The following PARP9 variants were observed in gnomAD, a reference collection of about 807,000 sequenced individuals.
PARP9 encodes the protein poly(ADP-ribose) polymerase family member 9.
In PARP9, 48 loss-of-function variants were observed where a neutral mutation model predicts 68.8. That is an observed-to-expected ratio of 0.70 (90% confidence interval 0.55 to 0.89). The LOEUF is 0.89. Ranked by LOEUF, PARP9 falls within the 40% of genes least tolerant of loss-of-function variation. PARP9 has a pLI of 0.00. For missense variants in PARP9, 806 were observed against 969.3 expected (o/e 0.83, Z 2.24); for synonymous variants, 309 against 333.8 (o/e 0.93, Z 0.81).
intron 4 of PARP9, 111 bp downstream of exon 4, chr3:122,555,175 T>C (rs2079538723): frequency 1.8e-6 from 2 of 1,129,896 alleles, no homozygotes; most frequent in Non-Finnish European, 2.5e-6. Context: ...GCTCATATTC[T>C]TAATCCAAAC....
intron 10 of PARP9, chr3:122,532,069 C>T (rs984132225): frequency 4.1e-5 from 35 of 855,114 alleles, no homozygotes; most frequent in Non-Finnish European, 4.6e-5. Flanking sequence ...GGACCCTGGC[C>T]TGACTCTGGT....
intron 10 of PARP9, chr3:122,533,640 C>A (rs2077452358): frequency 1.0e-6 from 1 of 956,572 alleles, no homozygotes; most frequent in Non-Finnish European, 1.2e-6. Context: ...ACCCCTAGCA[C>A]AGGGCCTGAT....
intron 2 of PARP9, 33 bp downstream of exon 2, chr3:122,559,573 G>A: frequency 1.9e-6 from 3 of 1,566,602 alleles, no homozygotes; most frequent in Non-Finnish European, 2.6e-6. Flanking sequence ...TGCTGATCAA[G>A]GTTCATGACG....
chr3:122,553,476 C>T (rs763308388), intron 4 of PARP9, among the ~76,000 whole-genome samples: 10 of 152,048 alleles, frequency 6.6e-5, no homozygotes, highest in African/African-American at 1.2e-4. Context: ...TTGGGGGCAC[C>T]GACACCCTTT....
At chr3:122,534,188 TA>T in intron 10 of PARP9, 1 of 810,684 alleles carries the variant, frequency 1.2e-6, no homozygotes, top group Non-Finnish European at 1.5e-6. Flanking sequence ...TATAAAGACA[TA>T]AACTTAACCA....
At chr3:122,534,611 G>A in intron 10 of PARP9, 1 of 290,790 alleles carries the variant, frequency 3.4e-6, no homozygotes, top group Non-Finnish European at 5.1e-6. Flanking sequence ...TGGGCATGGT[G>A]GCTCATACCT....
chr3:122,540,687 A>G lies in PARP9; in HGVS notation c.1550T>C (p.Leu517Pro), dbSNP rs1374810831. ...GTCATGTTCCTTTCTCCCAAGGTAC[A>G]GAATATGATTATTCTCAATGATGTG... ...NHHIIENNHILYLGRKEHDIL... is the reference protein window; with the variant it reads ...NHHIIENNHIPYLGRKEHDIL... The change falls in exon 8 of 11, where the codon CTG (leucine) becomes CCG (proline). Residue 517 changes from leucine to proline, a missense_variant. By Grantham distance (98) the Leu-to-Pro change is moderately conservative. Transcript: ENST00000682323. The G allele has an allele frequency of 2.5e-6, 4 of 1,614,200 alleles. No individual in the cohort carries two copies. Among genetic ancestry groups the G allele is most frequent in the Non-Finnish European group, 3.4e-6 (4 of 1,180,024 alleles).
At chr3:122,542,532 T>G (rs9861517) in intron 7 of PARP9, among the ~76,000 whole-genome samples, 2 of 150,880 alleles carry the variant, frequency 1.3e-5, no homozygotes, top group Non-Finnish European at 2.9e-5. Context: ...CAGGCTGGAG[T>G]GTAGTGGCGC....
At chr3:122,548,046 G>A (rs2078904368) in intron 6 of PARP9, among the ~76,000 whole-genome samples, 1 of 152,170 alleles carries the variant, frequency 6.6e-6, no homozygotes, top group Non-Finnish European at 1.5e-5. Flanking sequence ...GTGAGGCGCA[G>A]TGGGATACTG....
chr3:122,564,081 C>T (rs1009153495), intron 1 of PARP9, 164 bp downstream of exon 1: 1 of 274,826 alleles, frequency 3.6e-6, no homozygotes, highest in Non-Finnish European at 6.9e-6. Context: ...GTAAGAGTTA[C>T]AAAGAATAAG....
In PARP9 at chr3:122,562,843, T is replaced by C. The variant is rs368840532; in HGVS notation, c.-90+1402A>G. Reference sequence around the variant, plus strand: ...TATTATTAAACTGCTAGTCCCCCTATTTATGGGCATTAAAGAGTTCCCTAT... The same window carrying C: ...TATTATTAAACTGCTAGTCCCCCTACTTATGGGCATTAAAGAGTTCCCTAT... On this transcript the variant is annotated intron_variant, in intron 1 of 10. Coordinates refer to ENST00000682323, the MANE Select transcript of PARP9 (RefSeq NM_001146105.2). Among the ~76,000 whole-genome samples the C allele has an allele frequency of 3.9e-5, 6 of 152,336 alleles. No homozygotes were observed. The South Asian group carries it at 1.2e-3, about 32-fold the overall frequency.
chr3:122,552,696 A>C, intron 4 of PARP9, 57 bp from the exon 5 acceptor site: 4 of 1,302,642 alleles, frequency 3.1e-6, no homozygotes, highest in Non-Finnish European at 4.4e-6. Flanking sequence ...TTAAATGACT[A>C]ATTTAAATCT....
At chr3:122,542,578 C>T (rs2078330030) in intron 7 of PARP9, among the ~76,000 whole-genome samples, 1 of 151,932 alleles carries the variant, frequency 6.6e-6, no homozygotes, top group Non-Finnish European at 1.5e-5. Flanking sequence ...CTCCTGGGTT[C>T]AGACGATTCT....
At chr3:122,554,579 C>T (rs771303139) in intron 4 of PARP9, among the ~76,000 whole-genome samples, 8 of 151,990 alleles carry the variant, frequency 5.3e-5, no homozygotes, top group South Asian at 2.1e-4. Flanking sequence ...TATATTGATC[C>T]CAGCTCTAAG....
intron 10 of PARP9, chr3:122,534,709 C>A (rs917713367): frequency 5.0e-6 from 1 of 201,058 alleles, no homozygotes; most frequent in Non-Finnish European, 8.9e-6. Context: ...CTCGTCTCTA[C>A]TAAAAAAAAT....
At position 122,528,184 on chromosome 3, in the gene PARP9, G is replaced by T; in HGVS notation, c.*180C>A. ...TGGTATCTACCTACCCCAACCCCAA[G>T]ACATAAAGACAGATAAAGGCACTAA... On this transcript the variant is annotated 3_prime_UTR_variant, in exon 11 of 11. Coordinates refer to ENST00000682323, the MANE Select transcript of PARP9 (RefSeq NM_001146105.2). 1 of 698,896 alleles carries T rather than the reference G, an allele frequency of 1.4e-6. No homozygotes were observed. Among genetic ancestry groups the T allele is most frequent in the Non-Finnish European group, 2.2e-6 (1 of 447,872 alleles). The allele number at this position is 698,896 out of a possible 1,614,324, so 43.3% of individuals were successfully genotyped here.
chr3:122,536,248 C>T lies in PARP9; in HGVS notation c.2000G>A (p.Arg667Lys). The change falls in exon 10 of 11, where the codon AGG becomes AAG. Residue 667 changes from arginine to lysine, a missense_variant. Arg to Lys is a conservative substitution (Grantham distance 26, BLOSUM62 2). Coordinates refer to ENST00000682323, the MANE Select transcript of PARP9 (RefSeq NM_001146105.2). ...EKLHRQPVSHRLFQQVPYQFC... is the reference protein window; with the variant it reads ...EKLHRQPVSHKLFQQVPYQFC... ...CTGGTATGGGACTTGCTGAAACAGC[C>T]TATGGCTCACAGGTTGCCTGTGCAG... is the stretch of plus-strand genomic sequence containing the variant. The T allele has an allele frequency of 6.2e-7, 1 of 1,614,158 alleles. No homozygotes were observed. The highest frequency in any genetic ancestry group is 1.7e-5 in the Admixed American group (1 of 60,016).
intron 10 of PARP9, among the ~76,000 whole-genome samples, chr3:122,530,067 C>T (rs748042991): frequency 6.6e-6 from 1 of 150,632 alleles, no homozygotes; most frequent in Non-Finnish European, 1.5e-5. Flanking sequence ...ATCATAGCTA[C>T]TCAGGAGGCT....
chr3:122,559,574 G>A (rs757673765), intron 2 of PARP9, 32 bp downstream of exon 2: 1 of 1,575,172 alleles, frequency 6.3e-7, no homozygotes, highest in South Asian at 1.2e-5. Flanking sequence ...GCTGATCAAG[G>A]TTCATGACGT....
Sources: gnomAD v4.1 joint callset for allele counts (sites outside exome capture counted in the v4.1 genomes callset) on GRCh38, gnomAD v4.1.1 for gene constraint, MANE v1.5 for transcripts, NCBI Gene and HGNC (gene_info 2026-07-23, HGNC 2026-07-21) for gene names.